Variants in CADPS2 observed in about 807,000 individuals in gnomAD.
The protein encoded by CADPS2 is calcium dependent secretion activator 2.
In CADPS2, 93 loss-of-function variants were observed where a neutral mutation model predicts 172.5. The ratio of observed to expected loss-of-function variants is 0.54; its 90% confidence interval spans 0.46 to 0.64. The LOEUF is 0.64. Ranked by LOEUF, CADPS2 falls within the 30% of genes least tolerant of loss-of-function variation. CADPS2 has a pLI of 0.00. For synonymous variants in CADPS2, 546 were observed against 555.2 expected (o/e 0.98, Z 0.23); for missense variants, 1,420 against 1,565.9 (o/e 0.91, Z 1.57).
intron 2 of CADPS2, among the ~76,000 whole-genome samples, chr7:122,716,641 C>A (rs1483389973): frequency 6.6e-6 from 1 of 152,074 alleles, no homozygotes; most frequent in African/African-American, 2.4e-5. Context: ...AACAAACCTG[C>A]ACGTTGTGCA....
chr7:122,631,375 G>A (rs1033414047), intron 3 of CADPS2, among the ~76,000 whole-genome samples: 7 of 152,162 alleles, frequency 4.6e-5, no homozygotes, highest in African/African-American at 1.7e-4. Flanking sequence ...TTACTTAAGT[G>A]TAAGTGAAAT....
chr7:122,800,180 G>T (rs572236276), intron 1 of CADPS2, among the ~76,000 whole-genome samples: 14 of 152,098 alleles, frequency 9.2e-5, no homozygotes, highest in African/African-American at 3.4e-4. Flanking sequence ...AAACATCCAC[G>T]GTTATAATAC....
chr7:122,828,078 G>A (rs1446346225), intron 1 of CADPS2, among the ~76,000 whole-genome samples: 1 of 152,024 alleles, frequency 6.6e-6, no homozygotes, highest in Admixed American at 6.6e-5. Context: ...ACTTCATTTT[G>A]AGGCACTGTT....
intron 6 of CADPS2, among the ~76,000 whole-genome samples, chr7:122,612,103 G>T (rs10238929): frequency 0.011 from 1,730 of 151,994 alleles, 31 homozygotes; most frequent in African/African-American, 0.039. Context: ...GCTAAAATCA[G>T]ATTTAATTAT....
intron 1 of CADPS2, among the ~76,000 whole-genome samples, chr7:122,742,757 T>G (rs1296208573): frequency 1.3e-5 from 2 of 152,216 alleles, no homozygotes; most frequent in Non-Finnish European, 2.9e-5. Flanking sequence ...TCTGAGCCAC[T>G]GTTCTAGTTA....
chr7:122,645,781 AT>A (rs1398418365), intron 3 of CADPS2, among the ~76,000 whole-genome samples: 1 of 147,210 alleles, frequency 6.8e-6, no homozygotes, highest in African/African-American at 2.5e-5. Context: ...CCCCTGCTAT[AT>A]ATATGAGATA....
At chr7:122,843,567 A>T (rs752803541) in intron 1 of CADPS2, among the ~76,000 whole-genome samples, 2 of 152,232 alleles carry the variant, frequency 1.3e-5, no homozygotes, top group African/African-American at 2.4e-5. Context: ...TGCATGTGTG[A>T]GTTCTCAAAC....
In CADPS2 at chr7:122,360,926, T is replaced by C; in HGVS notation, c.3471+4A>G. The C allele has an allele frequency of 6.2e-7, 1 of 1,612,406 alleles. No homozygotes were observed. Among genetic ancestry groups the C allele is most frequent in the Non-Finnish European group, 8.5e-7 (1 of 1,178,692 alleles). On this transcript the variant is annotated splice_donor_region_variant and intron_variant, in intron 26 of 29. Transcript: ENST00000449022. ...CACAGAAGAGAACTCATTCAAATAC[T>C]TACAGTGAATGACAGAATGGATGAA...
At chr7:122,657,868 G>GA (rs1244596479) in intron 3 of CADPS2, among the ~76,000 whole-genome samples, 1 of 152,128 alleles carries the variant, frequency 6.6e-6, no homozygotes, top group Non-Finnish European at 1.5e-5. Flanking sequence ...TGGTGAGAGA[G>GA]GGCATCCCTG....
intron 11 of CADPS2, among the ~76,000 whole-genome samples, chr7:122,482,000 C>T (rs1208109460): frequency 6.6e-6 from 1 of 152,110 alleles, no homozygotes; most frequent in Non-Finnish European, 1.5e-5. Flanking sequence ...CACTGCACTT[C>T]CTCTCTCTCC....
chr7:122,671,967 G>A (rs1373516678), intron 2 of CADPS2, among the ~76,000 whole-genome samples: 3 of 152,102 alleles, frequency 2.0e-5, no homozygotes, highest in Non-Finnish European at 4.4e-5. Flanking sequence ...TATAAAACAT[G>A]GACCTTGTCC....
intron 1 of CADPS2, among the ~76,000 whole-genome samples, chr7:122,802,309 C>A (rs1320943057): frequency 1.3e-5 from 2 of 152,172 alleles, no homozygotes; most frequent in African/African-American, 4.8e-5. Flanking sequence ...AGAGAACCTA[C>A]GATTATTCCC....
chr7:122,803,291 C>T (rs535103805), intron 1 of CADPS2, among the ~76,000 whole-genome samples: 76 of 152,260 alleles, frequency 5.0e-4, no homozygotes, highest in African/African-American at 1.7e-3. Flanking sequence ...GTAAATGTTG[C>T]CAGCATTTGT....
intron 8 of CADPS2, among the ~76,000 whole-genome samples, chr7:122,549,408 T>C (rs1313557359): frequency 6.6e-6 from 1 of 152,130 alleles, no homozygotes; most frequent in Non-Finnish European, 1.5e-5. Flanking sequence ...GACTTTTATT[T>C]TGTAGTTACC....
In CADPS2 at chr7:122,820,888, T is replaced by C. The variant is rs566223146; in HGVS notation, c.339+65111A>G. On this transcript the variant is annotated intron_variant, in intron 1 of 29. Coordinates refer to ENST00000449022, the MANE Select transcript of CADPS2 (RefSeq NM_017954.11). ...TTACTGTTTTAGCCTAGCCCTCATG[T>C]CTGCATGCAGTGGCTGCCACTGCAT... Among the ~76,000 whole-genome samples, 21 of 143,706 alleles carry C rather than the reference T, an allele frequency of 1.5e-4. 1 individual carries two copies. The highest frequency in any genetic ancestry group is 3.2e-4 in the Non-Finnish European group (21 of 65,566). 94.3% of individuals were successfully genotyped at this position (143,706 alleles called of 152,430 possible). A position where few individuals can be genotyped will look rare whatever the true frequency, so the allele number is the denominator to read the frequency against.
intron 8 of CADPS2, among the ~76,000 whole-genome samples, chr7:122,517,434 G>A (rs1050989149): frequency 2.6e-5 from 4 of 151,908 alleles, no homozygotes; most frequent in Admixed American, 2.6e-4. Context: ...GGGATTGTAG[G>A]GTCGTATTGA....
intron 3 of CADPS2, among the ~76,000 whole-genome samples, chr7:122,633,808 C>G (rs1193090399): frequency 6.6e-6 from 1 of 152,054 alleles, no homozygotes; most frequent in Non-Finnish European, 1.5e-5. Context: ...CTTCTCCATC[C>G]AGTATGATAT....
In CADPS2 at chr7:122,392,972, A is replaced by C. The variant is rs556196429; in HGVS notation, c.3008+224T>G. ...ATTATTCCTGTCCCACAGATTATATATGAACTACATTAAACTAGCGTGTTT... is the reference window on the plus strand; with the variant it reads ...ATTATTCCTGTCCCACAGATTATATCTGAACTACATTAAACTAGCGTGTTT... On this transcript the variant is annotated intron_variant, in intron 22 of 29. Transcript: ENST00000449022. 3.9e-5 allele frequency among the ~76,000 whole-genome samples: 6 copies of C among 152,288 alleles called. No individual in the cohort carries two copies. The East Asian group carries it at 1.2e-3, about 29-fold the overall frequency.
intron 2 of CADPS2, among the ~76,000 whole-genome samples, chr7:122,670,861 C>T (rs2081754748): frequency 1.5e-5 from 2 of 135,980 alleles, no homozygotes; most frequent in Non-Finnish European, 3.3e-5. Context: ...AGCAGTGAAA[C>T]CCTGTTTCAA....
Sources: allele counts gnomAD v4.1 joint callset (sites outside exome capture counted in the v4.1 genomes callset), GRCh38; gene constraint gnomAD v4.1.1; transcripts MANE v1.5; gene names NCBI Gene and HGNC (gene_info 2026-07-23, HGNC 2026-07-21).